FAR1: variants seen among roughly 807,000 people sequenced by gnomAD.
FAR1 encodes the protein fatty acyl-CoA reductase 1.
In FAR1, 22 loss-of-function variants were observed where a neutral mutation model predicts 61.1. The ratio of observed to expected loss-of-function variants is 0.36; its 90% CI spans 0.26 to 0.51. FAR1 has a LOEUF of 0.51. FAR1 is among the 20% of genes least tolerant of loss of function. FAR1 has a pLI of 0.95. For synonymous variants in FAR1, 206 were observed against 209.7 expected (o/e 0.98, Z 0.15); for missense variants, 359 against 626.9 (o/e 0.57, Z 4.56).
intron 10 of FAR1, among the ~76,000 whole-genome samples, chr11:13,725,762 G>A (rs976820489): frequency 4.6e-5 from 7 of 152,046 alleles, no homozygotes; most frequent in African/African-American, 1.7e-4. Flanking sequence ...GCAGCATATA[G>A]TTAGTTGTAA....
intron 9 of FAR1, among the ~76,000 whole-genome samples, chr11:13,715,523 C>A (rs1848546309): frequency 6.6e-6 from 1 of 152,044 alleles, no homozygotes. Flanking sequence ...ATATAGGATG[C>A]TTCTAGAAAA....
intron 3 of FAR1, among the ~76,000 whole-genome samples, chr11:13,704,809 G>A (rs886456735): frequency 9.9e-5 from 15 of 152,174 alleles, no homozygotes; most frequent in African/African-American, 3.6e-4. Context: ...GTGGAAAAGA[G>A]ACTTGTGTCA....
intron 9 of FAR1, chr11:13,720,874 C>T (rs1448394214): frequency 1.3e-5 from 2 of 151,994 alleles, no homozygotes; most frequent in Non-Finnish European, 2.9e-5. Context: ...TCTTCCCTTT[C>T]CCTACTTATA....
At chr11:13,687,375 A>G (rs903058362) in intron 1 of FAR1, among the ~76,000 whole-genome samples, 1 of 152,186 alleles carries the variant, frequency 6.6e-6, no homozygotes, top group Admixed American at 6.5e-5. Flanking sequence ...CCCTTCCCCA[A>G]GTGTGTGGGA....
chr11:13,713,873 A>G (rs1848527923), intron 8 of FAR1, among the ~76,000 whole-genome samples: 1 of 152,162 alleles, frequency 6.6e-6, no homozygotes, highest in Non-Finnish European at 1.5e-5. Flanking sequence ...AAGAATATTT[A>G]AACATTTTTA....
At chr11:13,678,261 A>G (rs1166694808) in intron 1 of FAR1, among the ~76,000 whole-genome samples, 1 of 151,824 alleles carries the variant, frequency 6.6e-6, no homozygotes, top group African/African-American at 2.4e-5. Flanking sequence ...GATTAAAGGA[A>G]GGTCATGTTT....
chr11:13,672,652 G>T (rs912883985), intron 1 of FAR1, among the ~76,000 whole-genome samples: 1 of 147,792 alleles, frequency 6.8e-6, no homozygotes, highest in Non-Finnish European at 1.5e-5. Flanking sequence ...CTGAACTTGG[G>T]GTAGGAGAGA....
At chr11:13,716,997 G>A (rs1848564140) in intron 9 of FAR1, among the ~76,000 whole-genome samples, 1 of 133,292 alleles carries the variant, frequency 7.5e-6, no homozygotes, top group Non-Finnish European at 1.5e-5. Context: ...CTGTGTCCAA[G>A]TAAGGGGATT....
Position 13,731,808 on chromosome 11 carries a change from T to C in FAR1, c.*3034T>C, listed in dbSNP as rs1848729776. 6.6e-6 allele frequency: 1 copy of C among 152,214 alleles called. No individual in the cohort carries two copies. Among genetic ancestry groups the C allele is most frequent in the Non-Finnish European group, 1.5e-5 (1 of 68,044 alleles). The allele number at this position is 152,214 out of a possible 1,614,324, so 9.4% of individuals were successfully genotyped here. The stretch of plus-strand genomic sequence containing the variant: ...TGGGTTCCAGCTGCTCTCCTCCACA[T>C]TGAATGATATCTTGTTAATTTATAG... On this transcript the variant is annotated 3_prime_UTR_variant, in exon 12 of 12. Coordinates refer to ENST00000354817, the MANE Select transcript of FAR1 (RefSeq NM_032228.6).
intron 1 of FAR1, among the ~76,000 whole-genome samples, chr11:13,694,389 A>T (rs927445528): frequency 1.1e-4 from 16 of 152,152 alleles, no homozygotes; most frequent in Admixed American, 7.9e-4. Context: ...ATCCCTTTGG[A>T]GTCAGAGAAA....
chr11:13,713,243 T>TACCC (rs1848518976), intron 8 of FAR1, among the ~76,000 whole-genome samples: 1 of 151,696 alleles, frequency 6.6e-6, no homozygotes, highest in East Asian at 1.9e-4. Flanking sequence ...TGTCTATTCT[T>TACCC]ACCCACCCAC....
intron 1 of FAR1, among the ~76,000 whole-genome samples, chr11:13,672,559 AAGTG>A (rs950666658): frequency 2.0e-5 from 3 of 151,822 alleles, no homozygotes; most frequent in African/African-American, 7.3e-5. Flanking sequence ...AAAAAAAAAA[AAGTG>A]AGCATTATTT....
intron 1 of FAR1, among the ~76,000 whole-genome samples, chr11:13,688,884 T>G (rs910692740): frequency 6.6e-6 from 1 of 152,118 alleles, no homozygotes; most frequent in East Asian, 1.9e-4. Context: ...GACCTTGAAC[T>G]CCTGGGCTCA....
At chr11:13,684,513 T>C (rs556605717) in intron 1 of FAR1, among the ~76,000 whole-genome samples, 1 of 152,292 alleles carries the variant, frequency 6.6e-6, no homozygotes, top group South Asian at 2.1e-4. Flanking sequence ...GTTTTATCTG[T>C]ATTTTAAAGA....
At chr11:13,715,916 T>C (rs959740085) in intron 9 of FAR1, 3 of 152,174 alleles carry the variant, frequency 2.0e-5, no homozygotes, top group South Asian at 4.1e-4. Flanking sequence ...CCAGTTACAG[T>C]GTATCAGGAT....
intron 1 of FAR1, among the ~76,000 whole-genome samples, chr11:13,675,344 A>G (rs930703498): frequency 2.0e-5 from 3 of 152,218 alleles, no homozygotes; most frequent in Non-Finnish European, 4.4e-5. Context: ...TGAAAGTAGA[A>G]CTTAAACAAG....
rs1055654478 is a variant in FAR1 at position 13,723,570 on chromosome 11, T to A, written c.1257+1711T>A. On this transcript the variant is annotated intron_variant, in intron 10 of 11. Coordinates refer to ENST00000354817, the MANE Select transcript of FAR1 (RefSeq NM_032228.6). ...TTTTGAAAAATTTACCTAGATTGCA[T>A]TGGGCTTTCTGAATCTGAGGTTTGG... 2.0e-5 allele frequency among the ~76,000 whole-genome samples: 3 copies of A among 152,136 alleles called. 1 individual carries two copies. The South Asian group carries it at 6.2e-4, about 32-fold the overall frequency.
In FAR1 at chr11:13,711,975, T is replaced by TG; in HGVS notation, c.817dup (p.Ala273GlyfsTer23). ...CAATACGTGCCTCCAACAATGCCCT[T>TG]GCAGATCTTGTTCCTGTAGATGTAG... On this transcript the variant is annotated frameshift_variant, in exon 7 of 12. Transcript: ENST00000354817. LOFTEE classifies it high-confidence loss of function. 6.2e-7 allele frequency: 1 copy of TG among 1,613,470 alleles called. No individual in the cohort carries two copies. The highest frequency in any genetic ancestry group is 8.5e-7 in the Non-Finnish European group (1 of 1,179,544).
In FAR1 at chr11:13,730,613, T is replaced by G. The variant is rs1326198110; in HGVS notation, c.*1839T>G. The G allele has an allele frequency of 3.3e-5, 5 of 152,070 alleles. No individual in the cohort carries two copies. Among genetic ancestry groups the G allele is most frequent in the Non-Finnish European group, 5.9e-5 (4 of 67,980 alleles). 9.4% of individuals were successfully genotyped at this position (152,070 alleles called of 1,614,324 possible). On this transcript the variant is annotated 3_prime_UTR_variant, in exon 12 of 12. Transcript: ENST00000354817. ...ATAATGTGTTGAAAACATGCTAACA[T>G]TTGTATGATTTTTATACTTCTGCCG...
Sources: gnomAD v4.1 joint callset for allele counts (sites outside exome capture counted in the v4.1 genomes callset) on GRCh38, gnomAD v4.1.1 for gene constraint, MANE v1.5 for transcripts, NCBI Gene and HGNC (gene_info 2026-07-23, HGNC 2026-07-21) for gene names.